Variants in ATG5 observed in about 807,000 individuals in gnomAD.
The protein encoded by ATG5 is autophagy protein 5.
Under a neutral mutation model 36.5 loss-of-function variants are expected in ATG5, and 14 were observed. That is an observed-to-expected ratio of 0.38 (90% CI 0.25 to 0.60). The LOEUF is 0.60. Ranked by LOEUF, ATG5 falls within the 20% of genes least tolerant of loss-of-function variation. The pLI, the probability that ATG5 is intolerant of heterozygous loss-of-function variation, is 0.60. For missense variants in ATG5, 195 were observed against 326.7 expected (o/e 0.60, Z 3.11); for synonymous variants, 95 against 101.5 (o/e 0.94, Z 0.38).
intron 6 of ATG5, among the ~76,000 whole-genome samples, chr6:106,231,175 A>T (rs1471814089): frequency 6.6e-6 from 1 of 152,218 alleles, no homozygotes; most frequent in African/African-American, 2.4e-5. Flanking sequence ...TTTCTCTCTC[A>T]GACTTTAAAT....
At chr6:106,213,541 T>A (rs897411625) in intron 6 of ATG5, among the ~76,000 whole-genome samples, 5 of 152,134 alleles carry the variant, frequency 3.3e-5, no homozygotes, top group Admixed American at 1.3e-4. Flanking sequence ...TATTTTTTTT[T>A]AAATAGAGAA....
chr6:106,279,498 G>A (rs998138731), intron 5 of ATG5, among the ~76,000 whole-genome samples, 163 bp downstream of exon 5: 2 of 152,178 alleles, frequency 1.3e-5, no homozygotes, highest in Admixed American at 6.5e-5. Context: ...CAAAAGAGCA[G>A]AATGTAAGGG....
intron 6 of ATG5, among the ~76,000 whole-genome samples, chr6:106,209,788 T>C (rs543405190): frequency 2.7e-4 from 41 of 152,322 alleles, no homozygotes; most frequent in Non-Finnish European, 5.4e-4. Context: ...ATGAAGGGTA[T>C]GTAGATCTTT....
At chr6:106,298,756 G>T (rs1461117385) in intron 3 of ATG5, among the ~76,000 whole-genome samples, 1 of 152,094 alleles carries the variant, frequency 6.6e-6, no homozygotes, top group African/African-American at 2.4e-5. Flanking sequence ...TTCATGCAAA[G>T]ATATTAATTC....
intron 6 of ATG5, among the ~76,000 whole-genome samples, chr6:106,234,012 C>T (rs1333867453): frequency 2.0e-5 from 3 of 152,138 alleles, no homozygotes; most frequent in Non-Finnish European, 4.4e-5. Context: ...TGCATGCATG[C>T]AAATACTCAT....
At chr6:106,276,276 A>C in intron 5 of ATG5, among the ~76,000 whole-genome samples, 1 of 152,250 alleles carries the variant, frequency 6.6e-6, no homozygotes, top group East Asian at 1.9e-4. Context: ...CATCCTGGCT[A>C]ACATGGTGAA....
At chr6:106,200,327 T>G (rs554331969) in intron 7 of ATG5, among the ~76,000 whole-genome samples, 1 of 152,222 alleles carries the variant, frequency 6.6e-6, no homozygotes, top group Non-Finnish European at 1.5e-5. Flanking sequence ...CAAGTAATCC[T>G]GCATTCCTCC....
Position 106,325,521 on chromosome 6 carries a change from C to G in ATG5, c.-59+5G>C, listed in dbSNP as rs1771258825. The stretch of plus-strand genomic sequence containing the variant: ...TCCTCACACAAGGTGGACACACACA[C>G]GTACCCTACTCCAAGCTATGGCTCC... On this transcript the variant is annotated splice_donor_5th_base_variant and intron_variant, in intron 1 of 7. Transcript: ENST00000369076. 1 of 152,790 alleles carries G rather than the reference C, an allele frequency of 6.5e-6. No homozygotes were observed. The highest frequency in any genetic ancestry group is 2.4e-5 in the African/African-American group (1 of 41,478). 9.5% of individuals were successfully genotyped at this position (152,790 alleles called of 1,614,324 possible).
rs139046333 is a variant in ATG5 at position 106,220,326 on chromosome 6, TACAA to T, written c.574-18241_574-18238del. Among the ~76,000 whole-genome samples, 689 of 152,218 alleles carry T rather than the reference TACAA, an allele frequency of 4.5e-3. 2 individuals carry two copies. Among genetic ancestry groups the T allele is most frequent in the Non-Finnish European group, 7.5e-3 (507 of 67,982 alleles). On this transcript the variant is annotated intron_variant, in intron 6 of 7. Transcript: ENST00000369076. ...ATATCATCTCCTTAGCACTAATTATTACAAACAATCTGCATGCACTGCAAAGCAA... is the reference window on the plus strand; with the variant it reads ...ATATCATCTCCTTAGCACTAATTATTACAATCTGCATGCACTGCAAAGCAA...
rs142923738 is a variant in ATG5 at position 106,234,210 on chromosome 6, G to A, written c.573+13940C>T. On this transcript the variant is annotated intron_variant, in intron 6 of 7. Coordinates refer to ENST00000369076, the MANE Select transcript of ATG5 (RefSeq NM_004849.4). Reference sequence around the variant, plus strand: ...CATAGCACCCCTAGCCCCTACAAAGGACTAGATCTCTTAAAACTACATGAA... The same window carrying A: ...CATAGCACCCCTAGCCCCTACAAAGAACTAGATCTCTTAAAACTACATGAA... 7.9e-5 allele frequency among the ~76,000 whole-genome samples: 12 copies of A among 152,072 alleles called. No homozygotes were observed. In the East Asian group the frequency reaches 2.3e-3, roughly 29 times the overall value.
At chr6:106,322,234 A>G (rs1476060429) in intron 1 of ATG5, among the ~76,000 whole-genome samples, 2 of 152,216 alleles carry the variant, frequency 1.3e-5, no homozygotes, top group African/African-American at 4.8e-5. Flanking sequence ...CTGTTAACCA[A>G]TCAGTCATTC....
chr6:106,275,231 C>T (rs1252602955), intron 5 of ATG5, among the ~76,000 whole-genome samples: 1 of 152,194 alleles, frequency 6.6e-6, no homozygotes, highest in Non-Finnish European at 1.5e-5. Flanking sequence ...TACCCATTTA[C>T]ATTAATTAAC....
chr6:106,311,312 G>A (rs952024298), intron 2 of ATG5, among the ~76,000 whole-genome samples: 8 of 152,222 alleles, frequency 5.3e-5, no homozygotes, highest in African/African-American at 1.7e-4. Context: ...ATTAATGCAG[G>A]GAGGAAGTAA....
intron 6 of ATG5, chr6:106,202,297 C>G (rs1356477338): frequency 6.8e-6 from 3 of 444,360 alleles, no homozygotes; most frequent in East Asian, 3.7e-5. Flanking sequence ...ACAGACAAAT[C>G]CAAAGTTGGG....
At chr6:106,206,148 T>C (rs1776621279) in intron 6 of ATG5, among the ~76,000 whole-genome samples, 2 of 151,728 alleles carry the variant, frequency 1.3e-5, no homozygotes, top group Admixed American at 6.6e-5. Context: ...GGTGAAGCCT[T>C]TGAGAGGTAA....
At chr6:106,250,058 T>C (rs1017015391) in intron 5 of ATG5, among the ~76,000 whole-genome samples, 15 of 152,296 alleles carry the variant, frequency 9.8e-5, no homozygotes, top group African/African-American at 3.4e-4. Flanking sequence ...GCAACTCCTT[T>C]TTTTTTAACT....
At chr6:106,320,731 A>G (rs576905948) in intron 1 of ATG5, among the ~76,000 whole-genome samples, 2 of 152,332 alleles carry the variant, frequency 1.3e-5, no homozygotes, top group African/African-American at 4.8e-5. Context: ...TATAAATGTA[A>G]ATAAAATGAG....
intron 5 of ATG5, among the ~76,000 whole-genome samples, chr6:106,270,009 T>C (rs1179306954): frequency 6.6e-6 from 1 of 152,208 alleles, no homozygotes; most frequent in East Asian, 1.9e-4. Flanking sequence ...TGCCTAAATG[T>C]TTCACCAAGT....
intron 5 of ATG5, among the ~76,000 whole-genome samples, chr6:106,279,330 ACT>A (rs1245093809): frequency 6.6e-6 from 1 of 152,198 alleles, no homozygotes; most frequent in Non-Finnish European, 1.5e-5. Context: ...AGAATTTTCC[ACT>A]GTGACCACAG....
Sources: allele counts gnomAD v4.1 joint callset (sites outside exome capture counted in the v4.1 genomes callset), GRCh38; gene constraint gnomAD v4.1.1; transcripts MANE v1.5; gene names NCBI Gene and HGNC (gene_info 2026-07-23, HGNC 2026-07-21).